The following ASPH variants were observed in gnomAD, a reference collection of about 807,000 sequenced individuals.
The protein encoded by ASPH is aspartyl/asparaginyl beta-hydroxylase.
A neutral mutation model predicts 118.4 loss-of-function variants in ASPH; 100 were observed. The ratio of observed to expected loss-of-function variants is 0.84; its 90% CI spans 0.72 to 1.00. The LOEUF (loss-of-function observed/expected upper bound fraction) is 1.00. Among genes scored for constraint, ASPH ranks in the 50% least tolerant of loss-of-function variants. The pLI is 0.00. For missense variants in ASPH, 920 were observed against 919.5 expected (o/e 1.00, Z -0.01); for synonymous variants, 315 against 325.6 (o/e 0.97, Z 0.35).
At chr8:61,662,188 A>G (rs1340650310) in intron 3 of ASPH, among the ~76,000 whole-genome samples, 1 of 152,166 alleles carries the variant, frequency 6.6e-6, no homozygotes, top group African/African-American at 2.4e-5. Context: ...ATCTCTTAAC[A>G]ATGATTTTGC....
chr8:61,534,595 A>G (rs1288034086), intron 21 of ASPH, among the ~76,000 whole-genome samples: 2 of 152,140 alleles, frequency 1.3e-5, no homozygotes, highest in East Asian at 1.9e-4. Flanking sequence ...TCCTTGCATC[A>G]CTTAGTTAGT....
intron 18 of ASPH, among the ~76,000 whole-genome samples, chr8:61,556,389 C>T (rs533868349): frequency 6.2e-4 from 95 of 152,172 alleles, no homozygotes; most frequent in Non-Finnish European, 1.1e-3. Context: ...TTTAAATTTG[C>T]TATACTTGAA....
chr8:61,604,573 G>A (rs1220401935), intron 14 of ASPH, among the ~76,000 whole-genome samples: 2 of 152,082 alleles, frequency 1.3e-5, no homozygotes, highest in African/African-American at 4.8e-5. Flanking sequence ...CTTAGAAGGA[G>A]GTGACATTCC....
At chr8:61,638,616 A>G (rs1239749062) in intron 10 of ASPH, among the ~76,000 whole-genome samples, 8 of 152,090 alleles carry the variant, frequency 5.3e-5, no homozygotes, top group Non-Finnish European at 7.4e-5. Flanking sequence ...AATTTTCTTC[A>G]TGTCTGTGGT....
intron 21 of ASPH, 151 bp downstream of exon 21, chr8:61,547,920 G>T: frequency 8.6e-7 from 1 of 1,159,936 alleles, no homozygotes; most frequent in Non-Finnish European, 1.2e-6. Flanking sequence ...TGGTTAATGA[G>T]ATGACAATTC....
chr8:61,698,341 G>C (rs564266545), intron 1 of ASPH, among the ~76,000 whole-genome samples: 20 of 152,358 alleles, frequency 1.3e-4, no homozygotes, highest in African/African-American at 4.8e-4. Flanking sequence ...GTAGGTTACA[G>C]TCTGTTTATT....
intron 1 of ASPH, among the ~76,000 whole-genome samples, chr8:61,712,407 T>C (rs1464350576): frequency 5.3e-5 from 8 of 152,146 alleles, no homozygotes; most frequent in Admixed American, 1.3e-4. Flanking sequence ...CAGTATCTAC[T>C]GGAGAAAAAA....
intron 19 of ASPH, among the ~76,000 whole-genome samples, chr8:61,555,457 C>T (rs1313681052): frequency 6.6e-6 from 1 of 151,938 alleles, no homozygotes; most frequent in Non-Finnish European, 1.5e-5. Context: ...CCACACCAGG[C>T]TCATTTTTGT....
intron 13 of ASPH, chr8:61,625,388 G>A: frequency 6.1e-6 from 6 of 985,678 alleles, no homozygotes; most frequent in Non-Finnish European, 7.2e-6. Flanking sequence ...TAGTGCTGGA[G>A]GGGAATTACT....
At chr8:61,509,476 G>A (rs1340407382) in intron 24 of ASPH, among the ~76,000 whole-genome samples, 1 of 152,182 alleles carries the variant, frequency 6.6e-6, no homozygotes, top group Non-Finnish European at 1.5e-5. Flanking sequence ...CAGTGAGGAC[G>A]ACCAGAGGTC....
intron 16 of ASPH, among the ~76,000 whole-genome samples, chr8:61,568,517 C>T (rs1832512328): frequency 6.6e-6 from 1 of 151,998 alleles, no homozygotes; most frequent in Admixed American, 6.5e-5. Context: ...TTGTTTTGGA[C>T]ATATTAAACC....
intron 1 of ASPH, among the ~76,000 whole-genome samples, chr8:61,696,661 G>A (rs79763181): frequency 4.0e-5 from 6 of 149,780 alleles, no homozygotes; most frequent in Non-Finnish European, 5.9e-5. Context: ...CGGTCTCATA[G>A]AAAAAAAAAA....
chr8:61,505,693 C>T (rs1806275369), intron 24 of ASPH, among the ~76,000 whole-genome samples: 1 of 152,112 alleles, frequency 6.6e-6, no homozygotes, highest in Non-Finnish European at 1.5e-5. Context: ...ATTGGCTCTT[C>T]TACAACTCCT....
chr8:61,688,571 T>C lies in ASPH; in HGVS notation c.104-4383A>G, dbSNP rs1258354243. ...ACTACTAACTGAATTATAGATCATT[T>C]ATAAGTTTTAGTTAGCATTATGTTG... On this transcript the variant is annotated intron_variant, in intron 1 of 24. Transcript: ENST00000379454. 3.3e-5 allele frequency among the ~76,000 whole-genome samples: 5 copies of C among 152,208 alleles called. No homozygotes were observed. In the East Asian group the frequency reaches 9.6e-4, roughly 29 times the overall value.
At position 61,684,063 on chromosome 8, in the gene ASPH, G is replaced by C. The variant is rs143476476; in HGVS notation, c.229C>G (p.Leu77Val). 28 of 1,613,498 alleles carry C rather than the reference G, an allele frequency of 1.7e-5. No individual in the cohort carries two copies. The highest frequency in any genetic ancestry group is 2.4e-5 in the Non-Finnish European group (28 of 1,179,648). The change falls in exon 2 of 25, where the codon CTT (leucine) becomes GTT (valine). Residue 77 changes from leucine to valine, a missense_variant. By Grantham distance (32) the Leu-to-Val change is conservative (BLOSUM62 1). Transcript: ENST00000379454. ...CCTAGAACTTCCTCATAGTCAACAA[G>C]ATCAAACCAAACGACAGCTACAGAT... is the stretch of plus-strand genomic sequence containing the variant. ...WTSVAVVWFD[L>V]VDYEEVLGKL...
chr8:61,594,400 A>C (rs1841988434), intron 14 of ASPH, among the ~76,000 whole-genome samples: 1 of 152,254 alleles, frequency 6.6e-6, no homozygotes, highest in Non-Finnish European at 1.5e-5. Context: ...ATAATTTCTA[A>C]GCCCAGCTTG....
At chr8:61,612,916 G>T (rs1259785453) in intron 14 of ASPH, among the ~76,000 whole-genome samples, 1 of 152,140 alleles carries the variant, frequency 6.6e-6, no homozygotes, top group Non-Finnish European at 1.5e-5. Flanking sequence ...TGACTTTTCT[G>T]TTTATAATTC....
chr8:61,704,305 A>G (rs982065092), intron 1 of ASPH, among the ~76,000 whole-genome samples: 9 of 151,818 alleles, frequency 5.9e-5, no homozygotes, highest in Non-Finnish European at 1.2e-4. Context: ...AAAGCAATCC[A>G]ATAATGAAAG....
At position 61,696,660 on chromosome 8, in the gene ASPH, A is replaced by AG. The variant is rs1226489914; in HGVS notation, c.104-12473dup. Among the ~76,000 whole-genome samples, 8 of 49,948 alleles carry AG rather than the reference A, an allele frequency of 1.6e-4. No individual in the cohort carries two copies. In the East Asian group the frequency reaches 2.0e-3, roughly 12 times the overall value. The allele number at this position is 49,948 out of a possible 152,430, so 32.8% of individuals were successfully genotyped here. A position where few individuals can be genotyped will look rare whatever the true frequency, so the allele number is the denominator to read the frequency against. The stretch of plus-strand genomic sequence containing the variant: ...CACTCAATAGAGAAGACGGTCTCAT[A>AG]GAAAAAAAAAAGCATTCCTCTGAGC... On this transcript the variant is annotated intron_variant, in intron 1 of 24. Transcript: ENST00000379454.
Sources: gnomAD v4.1 joint callset for allele counts (sites outside exome capture counted in the v4.1 genomes callset) on GRCh38, gnomAD v4.1.1 for gene constraint, MANE v1.5 for transcripts, NCBI Gene and HGNC (gene_info 2026-07-23, HGNC 2026-07-21) for gene names.